Variants in DAB1 observed in about 807,000 individuals in gnomAD.
DAB1 encodes the protein disabled homolog 1.
Under a neutral mutation model 64.6 loss-of-function variants are expected in DAB1, and 15 were observed. That is an observed-to-expected ratio of 0.23 (90% CI 0.16 to 0.36). The LOEUF (loss-of-function observed/expected upper bound fraction) is 0.36, where lower values mean the gene tolerates loss of function less well. Among genes scored for constraint, DAB1 ranks in the 10% least tolerant of loss-of-function variants. The pLI, the probability that DAB1 is intolerant of heterozygous loss-of-function variation, is 1.00. For missense variants in DAB1, 596 were observed against 706.7 expected (o/e 0.84, Z 1.78); for synonymous variants, 235 against 251.9 (o/e 0.93, Z 0.64).
rs1038760546 is a variant in DAB1, at chr1:57,576,578, C to T, written n.625+73014G>A. Among the ~76,000 whole-genome samples, 15 of 152,138 alleles carry T rather than the reference C, an allele frequency of 9.9e-5. 1 individual carries two copies. The South Asian group carries it at 1.2e-3, about 13-fold the overall frequency. On this transcript the variant is annotated intron_variant and non_coding_transcript_variant, in intron 7 of 20. Coordinates refer to the DAB1 transcript ENST00000485760. ...AGAGACAAGGAAGGATTATCTCCTA[C>T]AAGTTTCAGAGGGAGTGTGACCCTG...
intron 5 of DAB1, among the ~76,000 whole-genome samples, chr1:57,921,804 C>T (rs778726942): frequency 9.9e-5 from 15 of 152,192 alleles, no homozygotes; most frequent in East Asian, 3.9e-4. Flanking sequence ...TTTTATCTAA[C>T]GCAGTAACAA....
At chr1:58,373,213 G>A (rs1644285509) in intron 3 of DAB1, among the ~76,000 whole-genome samples, 2 of 144,690 alleles carry the variant, frequency 1.4e-5, no homozygotes. Context: ...GGGTACATGT[G>A]CACATTGTGC....
chr1:57,400,320 G>A (rs989303424), intron 1 of DAB1, among the ~76,000 whole-genome samples: 12 of 152,150 alleles, frequency 7.9e-5, no homozygotes, highest in African/African-American at 2.7e-4. Context: ...AGTCTATGAA[G>A]TTGTTGCTAT....
chr1:57,759,216 T>C (rs1569594837), intron 6 of DAB1, among the ~76,000 whole-genome samples: 1 of 152,184 alleles, frequency 6.6e-6, no homozygotes, highest in Non-Finnish European at 1.5e-5. Flanking sequence ...CATGGCCCAA[T>C]AGTGGTAAAG....
At chr1:57,592,539 T>A (rs1422724575) in intron 7 of DAB1, among the ~76,000 whole-genome samples, 3 of 152,140 alleles carry the variant, frequency 2.0e-5, no homozygotes, top group African/African-American at 7.2e-5. Context: ...GTGAGGAGTC[T>A]TCAGGTCATA....
intron 7 of DAB1, among the ~76,000 whole-genome samples, chr1:57,626,506 G>C (rs1438358195): frequency 6.6e-6 from 1 of 152,200 alleles, no homozygotes; most frequent in East Asian, 1.9e-4. Flanking sequence ...CTGGCAGCTA[G>C]CGAAACTGGA....
At chr1:57,259,553 G>C (rs1670024789) in intron 2 of DAB1, among the ~76,000 whole-genome samples, 1 of 152,154 alleles carries the variant, frequency 6.6e-6, no homozygotes, top group Non-Finnish European at 1.5e-5. Flanking sequence ...GGCAGCGCAG[G>C]TTCCAGAATA....
rs549697703 is a variant in DAB1, at chr1:58,014,484, T to C, written n.388-130322A>G. 5.9e-4 allele frequency among the ~76,000 whole-genome samples: 90 copies of C among 152,290 alleles called. 1 individual carries two copies. The highest frequency in any genetic ancestry group is 2.0e-3 in the African/African-American group (85 of 41,568). ...AGTGGACTGGATTCATGCAGTTGGG[T>C]GGTTTGCTCCAGACCAAACAAAGAT... On this transcript the variant is annotated intron_variant and non_coding_transcript_variant, in intron 5 of 20. Coordinates refer to the DAB1 transcript ENST00000485760.
intron 5 of DAB1, among the ~76,000 whole-genome samples, chr1:58,109,315 C>G (rs981023226): frequency 2.0e-5 from 3 of 152,180 alleles, no homozygotes; most frequent in Non-Finnish European, 2.9e-5. Context: ...TGAATAGGGT[C>G]AGGCCTCTGC....
intron 7 of DAB1, among the ~76,000 whole-genome samples, chr1:57,641,379 G>GTT (rs34105483): frequency 0.034 from 3,758 of 109,690 alleles, 72 homozygotes; most frequent in Non-Finnish European, 0.046. Flanking sequence ...TTTTTTGTTG[G>GTT]TTTTTTTTTT....
chr1:57,615,909 G>A (rs779767491), intron 7 of DAB1, among the ~76,000 whole-genome samples: 20 of 152,138 alleles, frequency 1.3e-4, no homozygotes, highest in African/African-American at 2.2e-4. Context: ...AAATACTATC[G>A]TCATAGCTGA....
At chr1:57,460,248 C>G (rs1686739204) in intron 7 of DAB1, among the ~76,000 whole-genome samples, 1 of 152,208 alleles carries the variant, frequency 6.6e-6, no homozygotes, top group Admixed American at 6.5e-5. Context: ...CATTCGTCCC[C>G]ATCCCCTTGT....
intron 1 of DAB1, among the ~76,000 whole-genome samples, chr1:57,406,033 G>A (rs558443892): frequency 2.6e-5 from 4 of 152,040 alleles, no homozygotes; most frequent in Non-Finnish European, 5.9e-5. Flanking sequence ...CTGCCACCCC[G>A]CCACTTTATG....
intron 4 of DAB1, among the ~76,000 whole-genome samples, chr1:58,236,047 C>CAGCCTT (rs1660015065): frequency 6.6e-6 from 1 of 152,148 alleles, no homozygotes; most frequent in Non-Finnish European, 1.5e-5. Flanking sequence ...AGCAGAAAGA[C>CAGCCTT]GAGAGCAAGG....
At chr1:58,286,234 C>G (rs537425263) in intron 4 of DAB1, among the ~76,000 whole-genome samples, 1 of 152,144 alleles carries the variant, frequency 6.6e-6, no homozygotes, top group South Asian at 2.1e-4. Flanking sequence ...TTAGGCAATA[C>G]CATTCAGGAC....
intron 5 of DAB1, among the ~76,000 whole-genome samples, chr1:57,933,135 T>C (rs568780182): frequency 6.6e-6 from 1 of 152,344 alleles, no homozygotes; most frequent in Non-Finnish European, 1.5e-5. Flanking sequence ...TGGTACCCTA[T>C]AAGGTTTATA....
chr1:58,385,222 T>C (rs1644422996), intron 3 of DAB1, among the ~76,000 whole-genome samples: 1 of 152,244 alleles, frequency 6.6e-6, no homozygotes, highest in African/African-American at 2.4e-5. Context: ...GCAAATTGTA[T>C]ACATTTATCG....
rs140757329 is a variant in DAB1 at position 58,362,083 on chromosome 1, G to A, written n.258-18680C>T. Among the ~76,000 whole-genome samples the A allele has an allele frequency of 6.0e-3, 911 of 151,912 alleles. 6 individuals carry two copies. The highest frequency in any genetic ancestry group is 0.012 in the African/African-American group (495 of 41,458). On this transcript the variant is annotated intron_variant and non_coding_transcript_variant, in intron 3 of 20. Transcript: ENST00000485760. The stretch of plus-strand genomic sequence containing the variant: ...TTTCACCATGTTGGCCAGGCTGGTC[G>A]TGAACTCCTGACCTTTAGGATAATC...
intron 5 of DAB1, among the ~76,000 whole-genome samples, chr1:57,987,049 A>C (rs1570172518): frequency 6.6e-6 from 1 of 152,218 alleles, no homozygotes; most frequent in Admixed American, 6.5e-5. Context: ...CCCAGGGCCC[A>C]TGCACTAACT....
Sources: gnomAD v4.1 joint callset for allele counts (sites outside exome capture counted in the v4.1 genomes callset) on GRCh38, gnomAD v4.1.1 for gene constraint, MANE v1.5 for transcripts, NCBI Gene and HGNC (gene_info 2026-07-23, HGNC 2026-07-21) for gene names.